The following ATG10 variants were observed in gnomAD, a reference collection of about 807,000 sequenced individuals.
ATG10 encodes autophagy related 10.
A neutral mutation model predicts 32.1 loss-of-function variants in ATG10; 30 were observed. That is an observed-to-expected ratio of 0.94 (90% CI 0.70 to 1.27). ATG10 has a LOEUF of 1.27. ATG10 is among the 50% of genes most tolerant of loss of function. ATG10 has a pLI of 0.00. For synonymous variants in ATG10, 87 were observed against 91.5 expected, an observed-to-expected ratio of 0.95 and a Z score of 0.28; for missense variants, 233 against 262.3, an observed-to-expected ratio of 0.89 and a Z score of 0.77.
rs559214683 is a variant in ATG10, at chr5:81,980,151, C to T, written c.-12-7408C>T. Among the ~76,000 whole-genome samples the T allele has an allele frequency of 2.0e-5, 3 of 152,112 alleles. No homozygotes were observed. The South Asian group carries it at 6.2e-4, about 32-fold the overall frequency. ...TTCCAGTTTTTTCTTATCCAGTTTCCTTTTTCATCTCAGCTGTTTTTCCTT... is the reference window on the plus strand; with the variant it reads ...TTCCAGTTTTTTCTTATCCAGTTTCTTTTTTCATCTCAGCTGTTTTTCCTT... On this transcript the variant is annotated intron_variant, in intron 1 of 7. Transcript: ENST00000282185.
rs773849831 is a variant in ATG10, at chr5:82,253,314, G to A, written c.552G>A (p.Lys184=). ...GGCCTGTATTTCACTTGTTTCCTAGGAATGTCAACTATATCACATCATGGC... is the reference window on the plus strand; with the variant it reads ...GGCCTGTATTTCACTTGTTTCCTAGAAATGTCAACTATATCACATCATGGC... ...PVLKNSQKIN[K]NVNYITSWLS... The change falls in exon 7 of 8, where the codon AAG becomes AAA. Residue 184 remains lysine (K), a splice_region_variant and synonymous_variant. Transcript: ENST00000282185. 8.1e-6 allele frequency: 13 copies of A among 1,602,292 alleles called. No individual in the cohort carries two copies. Among genetic ancestry groups the A allele is most frequent in the Non-Finnish European group, 7.7e-6 (9 of 1,169,400 alleles).
chr5:82,083,506 AG>A (rs1210442749), intron 3 of ATG10, among the ~76,000 whole-genome samples: 1 of 152,208 alleles, frequency 6.6e-6, no homozygotes, highest in Non-Finnish European at 1.5e-5. Context: ...ACAGAGTTTG[AG>A]ATCTGAGAAC....
chr5:81,998,790 G>C (rs1173833995), intron 2 of ATG10, among the ~76,000 whole-genome samples: 1 of 151,992 alleles, frequency 6.6e-6, no homozygotes, highest in African/African-American at 2.4e-5. Context: ...AAATGACAAA[G>C]AAGGATATTA....
chr5:82,185,066 A>G (rs991110671), intron 5 of ATG10, among the ~76,000 whole-genome samples: 1 of 152,208 alleles, frequency 6.6e-6, no homozygotes, highest in African/African-American at 2.4e-5. Context: ...AAGAGATTCT[A>G]TTGTGTTGTG....
intron 2 of ATG10, among the ~76,000 whole-genome samples, chr5:82,004,880 A>G (rs1020245550): frequency 6.6e-6 from 1 of 152,208 alleles, no homozygotes; most frequent in African/African-American, 2.4e-5. Context: ...ACTGGTAACA[A>G]TTAATTCTCA....
rs898273943 is a variant in ATG10, at chr5:82,066,464, G to A, written c.216+7862G>A. On this transcript the variant is annotated intron_variant, in intron 3 of 7. Coordinates refer to ENST00000282185, the MANE Select transcript of ATG10 (RefSeq NM_031482.5). ...TTACATTTTTAAAAACTATGAAAAT[G>A]ATAGAGTCATAAAAATGGCAATAAT... Among the ~76,000 whole-genome samples, 4 of 152,124 alleles carry A rather than the reference G, an allele frequency of 2.6e-5. No homozygotes were observed. The East Asian group carries it at 7.7e-4, about 29-fold the overall frequency.
chr5:82,139,684 G>C (rs1172666127), intron 3 of ATG10, among the ~76,000 whole-genome samples: 1 of 145,826 alleles, frequency 6.9e-6, no homozygotes, highest in African/African-American at 2.6e-5. Context: ...GTCTCCGCCC[G>C]GCAGCCACCC....
chr5:81,986,975 G>A (rs1455813106), intron 1 of ATG10, among the ~76,000 whole-genome samples: 1 of 152,084 alleles, frequency 6.6e-6, no homozygotes, highest in Non-Finnish European at 1.5e-5. Context: ...CCTGGAAGAT[G>A]AAGATTGCAG....
In ATG10 at chr5:82,039,153, A is replaced by G. The variant is rs562311893; in HGVS notation, c.109-19342A>G. The stretch of plus-strand genomic sequence containing the variant: ...GAGCCACCGTGCCTGGCCCCCTTTT[A>G]GTTCCCAGGAAACAAACACCCTTCA... On this transcript the variant is annotated intron_variant, in intron 2 of 7. Transcript: ENST00000282185. Among the ~76,000 whole-genome samples the G allele has an allele frequency of 4.6e-5, 7 of 152,276 alleles. No individual in the cohort carries two copies. The South Asian group carries it at 6.2e-4, about 14-fold the overall frequency.
intron 3 of ATG10, among the ~76,000 whole-genome samples, chr5:82,152,264 C>A (rs1345127239): frequency 6.6e-6 from 1 of 152,160 alleles, no homozygotes; most frequent in Non-Finnish European, 1.5e-5. Flanking sequence ...TCTTTAGAGT[C>A]TACTTTGAAT....
In ATG10 at chr5:82,081,472, C is replaced by A. The variant is rs181296456; in HGVS notation, c.216+22870C>A. 1.6e-3 allele frequency among the ~76,000 whole-genome samples: 240 copies of A among 152,142 alleles called. 1 individual carries two copies. Among genetic ancestry groups the A allele is most frequent in the African/African-American group, 5.4e-3 (224 of 41,514 alleles). ...GGGAATGCTTCCAGTTTTTGCCCATCCAGTATGATATTGGCTGTGGGTTTG... is the reference window on the plus strand; with the variant it reads ...GGGAATGCTTCCAGTTTTTGCCCATACAGTATGATATTGGCTGTGGGTTTG... On this transcript the variant is annotated intron_variant, in intron 3 of 7. Coordinates refer to ENST00000282185, the MANE Select transcript of ATG10 (RefSeq NM_031482.5).
At chr5:82,206,194 G>A (rs1745287030) in intron 5 of ATG10, among the ~76,000 whole-genome samples, 1 of 152,166 alleles carries the variant, frequency 6.6e-6, no homozygotes, top group East Asian at 1.9e-4. Flanking sequence ...CCACATGGAT[G>A]TAAAGTCATC....
chr5:82,077,408 A>G (rs1183008301), intron 3 of ATG10, among the ~76,000 whole-genome samples: 1 of 152,204 alleles, frequency 6.6e-6, no homozygotes, highest in African/African-American at 2.4e-5. Context: ...TTTTATAGAG[A>G]TTTTGAGCAG....
At chr5:82,001,726 G>T (rs1761853931) in intron 2 of ATG10, among the ~76,000 whole-genome samples, 1 of 152,062 alleles carries the variant, frequency 6.6e-6, no homozygotes, top group Non-Finnish European at 1.5e-5. Context: ...ACGTAGAACT[G>T]GGCAAAGATT....
chr5:82,226,565 T>C (rs1746140036), intron 5 of ATG10, among the ~76,000 whole-genome samples: 1 of 152,184 alleles, frequency 6.6e-6, no homozygotes, highest in Non-Finnish European at 1.5e-5. Context: ...CAATTAGGAT[T>C]ATAATGGAAG....
In ATG10 at chr5:82,009,517, C is replaced by T. The variant is rs554039341; in HGVS notation, c.108+21839C>T. The T allele has an allele frequency of 7.9e-4, 948 of 1,206,624 alleles. 2 individuals are homozygous for T. Among genetic ancestry groups the T allele is most frequent in the Non-Finnish European group, 9.9e-4 (831 of 841,592 alleles). The allele number at this position is 1,206,624 out of a possible 1,614,324, so 74.7% of individuals were successfully genotyped here. ...AGAGCACAAAGATTCTAGGATACTG[C>T]GAGCAAATGGGATGGAGGGGTGCTC... On this transcript the variant is annotated intron_variant, in intron 2 of 7. Transcript: ENST00000282185.
At chr5:82,144,892 T>C (rs919723963) in intron 3 of ATG10, among the ~76,000 whole-genome samples, 1 of 152,110 alleles carries the variant, frequency 6.6e-6, no homozygotes, top group African/African-American at 2.4e-5. Flanking sequence ...GGTACTAAAA[T>C]CTCTTACTAT....
chr5:82,063,816 G>A (rs1763860594), intron 3 of ATG10, among the ~76,000 whole-genome samples: 1 of 152,022 alleles, frequency 6.6e-6, no homozygotes, highest in Non-Finnish European at 1.5e-5. Flanking sequence ...TTTAAAAACT[G>A]AGACCTATCA....
chr5:82,225,073 G>C (rs901017703), intron 5 of ATG10, among the ~76,000 whole-genome samples: 1 of 152,176 alleles, frequency 6.6e-6, no homozygotes, highest in South Asian at 2.1e-4. Flanking sequence ...TGGTGCTCCT[G>C]TTCTGCAGGT....
Sources: gnomAD v4.1 joint callset for allele counts (sites outside exome capture counted in the v4.1 genomes callset) on GRCh38, gnomAD v4.1.1 for gene constraint, MANE v1.5 for transcripts, NCBI Gene and HGNC (gene_info 2026-07-23, HGNC 2026-07-21) for gene names.